The following ACTN3 variants were observed in gnomAD, a reference collection of about 807,000 sequenced individuals.
ACTN3 encodes actinin alpha 3.
ACTN3 carries 91 observed loss-of-function variants against 119.6 expected under a neutral mutation model. The observed-to-expected ratio is 0.76, with a 90% CI of 0.64 to 0.91. The LOEUF is 0.91. Among genes scored for constraint, ACTN3 ranks in the 40% least tolerant of loss-of-function variants. The probability of loss-of-function intolerance (pLI) is 0.00; values close to 1 mark genes in which losing one functional copy is unlikely to be tolerated. For missense variants in ACTN3, 1,221 were observed against 1,215.1 expected, an observed-to-expected ratio of 1.00 and a Z score of -0.07; for synonymous variants, 456 against 478.8, an observed-to-expected ratio of 0.95 and a Z score of 0.62.
At chr11:66,550,105 G>A (rs1330178453) in intron 1 of ACTN3, among the ~76,000 whole-genome samples, 1 of 152,170 alleles carries the variant, frequency 6.6e-6, no homozygotes, top group Non-Finnish European at 1.5e-5. Flanking sequence ...GTGTGGGGAT[G>A]CTCTGAATCC....
chr11:66,558,131 G>C lies in ACTN3; in HGVS notation c.1233G>C (p.Glu411Asp). ...TGCAGCGACTCCAGCACCTGGCTGA[G>C]AAGTTCCGGCAGAAGGCCTCCCTGC... ...RRLQRLQHLA[E>D]KFRQKASLHE... Residue 411 changes from glutamate (E) to aspartate (D), a missense_variant, in exon 11 of 21, where the codon GAG becomes GAC. Physicochemically the swap from Glu to Asp is conservative, Grantham distance 45. This residue lies in a region of ACTN3 where 934 missense variants were observed against 899.9 expected (regional missense o/e 1.04). Transcript: ENST00000513398. 2 of 1,613,896 alleles carry C rather than the reference G, an allele frequency of 1.2e-6. No homozygotes were observed. Among genetic ancestry groups the C allele is most frequent in the Non-Finnish European group, 1.7e-6 (2 of 1,179,896 alleles).
In ACTN3 at chr11:66,560,736, T is replaced by A. The variant is rs1565309196; in HGVS notation, c.1841T>A (p.Ile614Asn). 3 of 1,612,694 alleles carry A rather than the reference T, an allele frequency of 1.9e-6. No individual in the cohort carries two copies. The highest frequency in any genetic ancestry group is 3.3e-4 in the Middle Eastern group (2 of 6,060). Reference protein sequence around the residue: ...NPYITLSPQDINTKWDMVRKL... With the variant: ...NPYITLSPQDNNTKWDMVRKL... The stretch of plus-strand genomic sequence containing the variant: ...TACATCACCCTCAGCCCGCAGGACA[T>A]CAACACCAAGTGGGATATGGTCAGT... The change falls in exon 15 of 21, where the codon ATC becomes AAC. Residue 614 changes from isoleucine to asparagine, a missense_variant. Physicochemically the swap from Ile to Asn is moderately radical, Grantham distance 149 (BLOSUM62 -3). Transcript: ENST00000513398.
At position 66,560,298 on chromosome 11, in the gene ACTN3, TGGA is replaced by T; in HGVS notation, c.1669_1671del (p.Glu557del). 6.2e-7 allele frequency: 1 copy of T among 1,612,938 alleles called. No individual in the cohort carries two copies. The highest frequency in any genetic ancestry group is 1.1e-5 in the South Asian group (1 of 90,850). On this transcript the variant is annotated inframe_deletion, in exon 14 of 21. Transcript: ENST00000513398. ...CAGGACGTGTGGCTGGTACACTCTG[TGGA>T]GGAGACCCAGGTGGGTGCCAGGGTT...
chr11:66,563,268 G>A lies in ACTN3; in HGVS notation c.*75G>A. 6.7e-7 allele frequency: 1 copy of A among 1,494,168 alleles called. No homozygotes were observed. Among genetic ancestry groups the A allele is most frequent in the Non-Finnish European group, 8.9e-7 (1 of 1,118,840 alleles). The allele number at this position is 1,494,168 out of a possible 1,614,324, so 92.6% of individuals were successfully genotyped here. A position where few individuals can be genotyped will look rare whatever the true frequency, so the allele number is the denominator to read the frequency against. On this transcript the variant is annotated 3_prime_UTR_variant, in exon 21 of 21. Transcript: ENST00000513398. ...TGGCTGATCCCATCCGTCCCTCGGA[G>A]CAAGGGCCTAAGAGAAAAGCCAGCC...
chr11:66,556,799 C>T (rs1041678252), intron 8 of ACTN3, among the ~76,000 whole-genome samples: 3 of 150,744 alleles, frequency 2.0e-5, no homozygotes, highest in Non-Finnish European at 4.4e-5. Flanking sequence ...CTTGCTCTGT[C>T]GCCCAGGCTG....
chr11:66,557,977 T>C, intron 10 of ACTN3, 48 bp downstream of exon 10: 3 of 1,613,248 alleles, frequency 1.9e-6, no homozygotes, highest in Non-Finnish European at 2.5e-6. Context: ...CCGTATCCCA[T>C]CTGTACAATG....
intron 3 of ACTN3, 133 bp downstream of exon 3, chr11:66,551,780 A>T: frequency 2.2e-6 from 3 of 1,392,492 alleles, no homozygotes; most frequent in Non-Finnish European, 2.9e-6. Flanking sequence ...GAGCCTGTAA[A>T]GAGCCAGTAT....
chr11:66,554,162 G>A (rs1857538461), intron 4 of ACTN3, 31 bp downstream of exon 4: 1 of 1,598,852 alleles, frequency 6.3e-7, no homozygotes, highest in African/African-American at 1.3e-5. Flanking sequence ...TTGGGGCCAG[G>A]TGCAGTGGCT....
intron 17 of ACTN3, 43 bp from the exon 18 acceptor site, chr11:66,561,979 G>T (rs1565309950): frequency 6.4e-7 from 1 of 1,564,330 alleles, no homozygotes; most frequent in Non-Finnish European, 8.7e-7. Context: ...CAGTGGCCAG[G>T]CACTGGCCGC....
At chr11:66,555,983 G>A (rs950006561) in intron 7 of ACTN3, 162 bp from the exon 8 acceptor site, 1 of 188,432 alleles carries the variant, frequency 5.3e-6, no homozygotes, top group African/African-American at 2.4e-5. Flanking sequence ...TGAGCCCTGG[G>A]GTAAGGAGAG....
At chr11:66,549,522 G>A (rs1857429617) in intron 1 of ACTN3, among the ~76,000 whole-genome samples, 1 of 151,968 alleles carries the variant, frequency 6.6e-6, no homozygotes, top group Non-Finnish European at 1.5e-5. Flanking sequence ...ACCTGAGGTT[G>A]TAAATTCAAG....
chr11:66,562,295 T>C lies in ACTN3; in HGVS notation c.2361T>C (p.Ala787=), dbSNP rs1181381446. The change falls in exon 19 of 21, where the codon GCT becomes GCC. Residue 787 remains alanine, a synonymous_variant. Coordinates refer to ENST00000513398, the MANE Select transcript of ACTN3 (RefSeq NM_001104.4). ...NGMMEPDDFR[A]CLISMGYDLG... ...TGATGGAGCCTGATGACTTCCGAGC[T>C]TGCCTCATCTCCATGGGCTATGACC... The C allele has an allele frequency of 5.0e-6, 8 of 1,613,374 alleles. No homozygotes were observed. Among genetic ancestry groups the C allele is most frequent in the Non-Finnish European group, 5.9e-6 (7 of 1,179,842 alleles).
upstream of ACTN3, chr11:66,546,726 G>C (rs59345015): frequency 1.3e-4 from 194 of 1,535,644 alleles, 1 homozygote; most frequent in African/African-American, 2.3e-3. Context: ...TCTCCGCCGC[G>C]AGATCCACCC....
chr11:66,553,866 A>AG (rs1349768962), intron 3 of ACTN3, among the ~76,000 whole-genome samples, 179 bp from the exon 4 acceptor site: 10 of 151,262 alleles, frequency 6.6e-5, no homozygotes, highest in South Asian at 2.1e-4. Context: ...AAAAAAAAAA[A>AG]AAAAAGAAAA....
Position 66,557,904 on chromosome 11 carries a change from T to C in ACTN3, c.1103T>C (p.Met368Thr). ...KLRLSHRPAF[M>T]PSEGKLVSDI... Reference sequence around the variant, plus strand: ...CGGCTCAGCCACCGGCCTGCCTTCATGCCCTCCGAGGGCAAGCTGGTCTCG... The same window carrying C: ...CGGCTCAGCCACCGGCCTGCCTTCACGCCCTCCGAGGGCAAGCTGGTCTCG... Residue 368 changes from methionine (M) to threonine (T), a missense_variant, in exon 10 of 21, where the codon ATG (methionine) becomes ACG (threonine). By Grantham distance (81) the Met-to-Thr change is moderately conservative. Transcript: ENST00000513398. 2.5e-6 allele frequency: 4 copies of C among 1,614,062 alleles called. No homozygotes were observed. The highest frequency in any genetic ancestry group is 3.4e-6 in the Non-Finnish European group (4 of 1,179,986).
rs749330175 is a variant in ACTN3 at position 66,559,985 on chromosome 11, A to C, written c.1445A>C (p.Glu482Ala). Reference sequence around the variant, plus strand: ...GCTCCCAGTGAGCTGGACTACCACGAGGCAGCCTCAGTGAATAGCCGCTGC... The same window carrying C: ...GCTCCCAGTGAGCTGGACTACCACGCGGCAGCCTCAGTGAATAGCCGCTGC... Reference protein sequence around the residue: ...AQELNELDYHEAASVNSRCQA... With the variant: ...AQELNELDYHAAASVNSRCQA... The change falls in exon 13 of 21, where the codon GAG becomes GCG. Residue 482 changes from glutamate (E) to alanine (A), a missense_variant. Glu to Ala is a moderately radical substitution (Grantham distance 107, BLOSUM62 -1). Around this residue, in one of 3 missense-constraint regions of ACTN3, gnomAD observed 934 missense variants for 899.9 expected, o/e 1.04. Transcript: ENST00000513398. 1.3e-6 allele frequency: 2 copies of C among 1,598,786 alleles called. No individual in the cohort carries two copies. The highest frequency in any genetic ancestry group is 1.7e-6 in the Non-Finnish European group (2 of 1,174,544).
intron 19 of ACTN3, 85 bp downstream of exon 19, chr11:66,562,407 C>T: frequency 1.4e-6 from 2 of 1,402,536 alleles, no homozygotes; most frequent in Middle Eastern, 4.9e-4. Flanking sequence ...CCCATCTTCA[C>T]ATACACCATC....
chr11:66,553,057 C>T (rs909120895), intron 3 of ACTN3, among the ~76,000 whole-genome samples: 2 of 151,774 alleles, frequency 1.3e-5, no homozygotes, highest in African/African-American at 4.8e-5. Context: ...GAGTTCGAGA[C>T]CAGCCTGGCC....
intron 1 of ACTN3, 27 bp downstream of exon 1, chr11:66,547,111 C>T (rs1209810154): frequency 6.7e-7 from 1 of 1,481,902 alleles, no homozygotes; most frequent in African/African-American, 1.4e-5. Context: ...TTCCTGACAG[C>T]AAAACCGAGG....
Sources: gnomAD v4.1 joint callset for allele counts (sites outside exome capture counted in the v4.1 genomes callset) on GRCh38, gnomAD v4.1.1 for gene constraint, gnomAD v4.1.1 regional missense constraint, MANE v1.5 for transcripts, NCBI Gene and HGNC (gene_info 2026-07-23, HGNC 2026-07-21) for gene names.